Variants in GNA14 observed in about 807,000 individuals in gnomAD.
GNA14 encodes G protein subunit alpha 14.
In GNA14, 50 loss-of-function variants were observed where a neutral mutation model predicts 42.0. The ratio of observed to expected loss-of-function variants is 1.19; its 90% CI spans 0.95 to 1.51. The LOEUF is 1.51. Ranked by LOEUF, GNA14 falls within the 40% of genes most tolerant of loss-of-function variation. The pLI, the probability that GNA14 is intolerant of heterozygous loss-of-function variation, is 0.00. For missense variants in GNA14, 473 were observed against 446.2 expected (o/e 1.06, Z -0.54); for synonymous variants, 173 against 163.1 (o/e 1.06, Z -0.46).
At position 77,464,335 on chromosome 9, in the gene GNA14, GTGTGTGTGTGTGTATA is replaced by G. The variant is rs760271342; in HGVS notation, c.310-29829_310-29814del. 1.5e-3 allele frequency among the ~76,000 whole-genome samples: 205 copies of G among 132,912 alleles called. 2 individuals carry two copies. Among genetic ancestry groups the G allele is most frequent in the African/African-American group, 2.8e-3 (87 of 31,400 alleles). The allele number at this position is 132,912 out of a possible 152,430, so 87.2% of individuals were successfully genotyped here. A position where few individuals can be genotyped will look rare whatever the true frequency, so the allele number is the denominator to read the frequency against. On this transcript the variant is annotated intron_variant, in intron 2 of 6. Transcript: ENST00000341700. ...TGTGAGAGTGTGTGTATATATATGT[GTGTGTGTGTGTGTATA>G]TGTGTGTGTGTGTGTGTGTGTGTGT...
chr9:77,629,443 A>T (rs1291224561), intron 1 of GNA14, among the ~76,000 whole-genome samples: 1 of 152,214 alleles, frequency 6.6e-6, no homozygotes, highest in African/African-American at 2.4e-5. Context: ...TGTTTATTGC[A>T]GCAACTATTC....
At chr9:77,499,203 T>C (rs548527044) in intron 2 of GNA14, among the ~76,000 whole-genome samples, 183 of 145,862 alleles carry the variant, frequency 1.3e-3, no homozygotes, top group African/African-American at 4.2e-3. Flanking sequence ...CAAACCACTG[T>C]TTATTTAACT....
At chr9:77,537,115 T>C (rs1837607702) in intron 1 of GNA14, among the ~76,000 whole-genome samples, 2 of 152,204 alleles carry the variant, frequency 1.3e-5, no homozygotes, top group African/African-American at 4.8e-5. Flanking sequence ...ACTTTGAGTA[T>C]ACAATACACT....
intron 2 of GNA14, among the ~76,000 whole-genome samples, chr9:77,491,252 G>A (rs72730884): frequency 0.054 from 8,178 of 152,236 alleles, 296 homozygotes; most frequent in Non-Finnish European, 0.085. Context: ...CATGCAAAAA[G>A]GAAACATTTG....
chr9:77,542,020 G>A (rs1837666941), intron 1 of GNA14, among the ~76,000 whole-genome samples: 1 of 151,948 alleles, frequency 6.6e-6, no homozygotes, highest in Admixed American at 6.5e-5. Context: ...TGAAATCTTT[G>A]AGATTTTGTG....
In GNA14 at chr9:77,425,331, C is replaced by T. The variant is rs1419185824; in HGVS notation, c.877+231G>A. On this transcript the variant is annotated intron_variant, in intron 6 of 6. Transcript: ENST00000341700. ...GTTTTGGAGAACAACATGGAGGCAGCGAAAGGAGTTGGTAAGGGTATTCCA... is the reference window on the plus strand; with the variant it reads ...GTTTTGGAGAACAACATGGAGGCAGTGAAAGGAGTTGGTAAGGGTATTCCA... Among the ~76,000 whole-genome samples, 10 of 152,094 alleles carry T rather than the reference C, an allele frequency of 6.6e-5. No homozygotes were observed. The South Asian group carries it at 8.3e-4, about 13-fold the overall frequency.
intron 1 of GNA14, among the ~76,000 whole-genome samples, chr9:77,567,850 G>A (rs1004596161): frequency 2.6e-5 from 4 of 152,208 alleles, no homozygotes; most frequent in Admixed American, 6.5e-5. Flanking sequence ...CTGGGTGACA[G>A]AGAGAGACTC....
chr9:77,621,714 G>A (rs1427437538), intron 1 of GNA14, among the ~76,000 whole-genome samples: 1 of 152,208 alleles, frequency 6.6e-6, no homozygotes, highest in African/African-American at 2.4e-5. Context: ...TGAGCTACCT[G>A]TAGACCATCT....
At chr9:77,485,139 G>C (rs895405439) in intron 2 of GNA14, among the ~76,000 whole-genome samples, 27 of 152,106 alleles carry the variant, frequency 1.8e-4, no homozygotes, top group African/African-American at 6.3e-4. Flanking sequence ...ACCTACAGTA[G>C]AATTTGAGTT....
intron 1 of GNA14, among the ~76,000 whole-genome samples, chr9:77,561,109 A>T (rs951989996): frequency 1.3e-5 from 2 of 152,208 alleles, no homozygotes; most frequent in Non-Finnish European, 2.9e-5. Context: ...AGGCTTTTAT[A>T]TAGGAATTGA....
Position 77,431,358 on chromosome 9 carries a change from T to A in GNA14, c.556A>T (p.Ile186Phe). 1.2e-6 allele frequency: 2 copies of A among 1,612,316 alleles called. No individual in the cohort carries two copies. Among genetic ancestry groups the A allele is most frequent in the South Asian group, 1.1e-5 (1 of 91,014 alleles). ...LRVRVPTTGI[I>F]EYPFDLENII... ...TTTTCCAAGTCAAATGGATACTCAATGATGCCGGTGGTGGGCACTCGGACG... is the reference window on the plus strand; with the variant it reads ...TTTTCCAAGTCAAATGGATACTCAAAGATGCCGGTGGTGGGCACTCGGACG... Residue 186 changes from isoleucine (I) to phenylalanine (F), a missense_variant, in exon 4 of 7, where the codon ATT becomes TTT. Ile to Phe is a conservative substitution (Grantham distance 21, BLOSUM62 0). Transcript: ENST00000341700.
At chr9:77,448,936 A>G (rs1835865507) in intron 2 of GNA14, among the ~76,000 whole-genome samples, 1 of 152,222 alleles carries the variant, frequency 6.6e-6, no homozygotes, top group Non-Finnish European at 1.5e-5. Context: ...ATTCCCAGAA[A>G]TAATTTAGAT....
At chr9:77,449,036 T>G (rs374729523) in intron 2 of GNA14, among the ~76,000 whole-genome samples, 1 of 152,210 alleles carries the variant, frequency 6.6e-6, no homozygotes, top group Non-Finnish European at 1.5e-5. Context: ...GATAATGGTA[T>G]GATAGGATGT....
intron 1 of GNA14, among the ~76,000 whole-genome samples, chr9:77,636,096 T>C (rs1824180018): frequency 6.6e-6 from 1 of 152,218 alleles, no homozygotes; most frequent in Non-Finnish European, 1.5e-5. Flanking sequence ...TAGAAGATAA[T>C]TCTACAAAAG....
At chr9:77,457,739 A>C (rs1587772678) in intron 2 of GNA14, among the ~76,000 whole-genome samples, 1 of 152,152 alleles carries the variant, frequency 6.6e-6, no homozygotes, top group Admixed American at 6.5e-5. Flanking sequence ...ACTCTTAATA[A>C]ATTTTCAAAA....
intron 2 of GNA14, among the ~76,000 whole-genome samples, chr9:77,444,148 A>G (rs866798979): frequency 1.3e-5 from 2 of 152,344 alleles, no homozygotes; most frequent in South Asian, 2.1e-4. Context: ...GACGTTTCCC[A>G]GAATGCCCCA....
chr9:77,438,997 T>G (rs912292900), intron 2 of GNA14, among the ~76,000 whole-genome samples: 1 of 152,240 alleles, frequency 6.6e-6, no homozygotes, highest in Non-Finnish European at 1.5e-5. Context: ...GGAATGTCCT[T>G]TATCTGGTCT....
intron 2 of GNA14, among the ~76,000 whole-genome samples, chr9:77,465,058 C>T (rs1206121615): frequency 6.6e-6 from 1 of 152,168 alleles, no homozygotes; most frequent in Non-Finnish European, 1.5e-5. Context: ...GAGGATGGCT[C>T]TGCCAACACC....
intron 2 of GNA14, among the ~76,000 whole-genome samples, chr9:77,515,860 T>G (rs1837245914): frequency 6.7e-6 from 1 of 148,290 alleles, no homozygotes; most frequent in South Asian, 2.1e-4. Flanking sequence ...GTTAGGAGGC[T>G]GAAGTGGGAG....
Sources: allele counts gnomAD v4.1 joint callset (sites outside exome capture counted in the v4.1 genomes callset), GRCh38; gene constraint gnomAD v4.1.1; transcripts MANE v1.5; gene names NCBI Gene and HGNC (gene_info 2026-07-23, HGNC 2026-07-21).